SCAMP1: variants seen among roughly 807,000 people sequenced by gnomAD.
The protein encoded by SCAMP1 is secretory carrier-associated membrane protein 1.
A neutral mutation model predicts 41.8 loss-of-function variants in SCAMP1; 15 were observed. The observed-to-expected ratio is 0.36, with a 90% CI of 0.24 to 0.55. The LOEUF is 0.55. Ranked by LOEUF, SCAMP1 falls within the 20% of genes least tolerant of loss-of-function variation. SCAMP1 has a pLI of 0.86. For missense variants in SCAMP1, 341 were observed against 412.6 expected, an observed-to-expected ratio of 0.83 and a Z score of 1.50; for synonymous variants, 135 against 136.8, an observed-to-expected ratio of 0.99 and a Z score of 0.09.
chr5:78,443,023 G>C lies in SCAMP1; in HGVS notation c.633-6910G>C, dbSNP rs62364272. ...AGTTCGAGACCATCTTGGCTAACAC[G>C]GTGAATCCCTGTCTTTACTAAAAAT... On this transcript the variant is annotated intron_variant, in intron 6 of 8. Transcript: ENST00000621999. 2.0e-5 allele frequency among the ~76,000 whole-genome samples: 3 copies of C among 152,032 alleles called. No individual in the cohort carries two copies. The East Asian group carries it at 5.8e-4, about 29-fold the overall frequency.
rs193128605 is a variant in SCAMP1, at chr5:78,382,079, A to G, written c.58-6758A>G. ...GAGCAAAAGTCTCCAGACCAGCAGA[A>G]GCAGTATCACCTGAGAACCTTTTAG... On this transcript the variant is annotated intron_variant, in intron 1 of 8. Coordinates refer to ENST00000621999, the MANE Select transcript of SCAMP1 (RefSeq NM_004866.6). 1.9e-3 allele frequency among the ~76,000 whole-genome samples: 291 copies of G among 152,290 alleles called. 1 individual carries two copies. Among genetic ancestry groups the G allele is most frequent in the Non-Finnish European group, 1.5e-3 (99 of 68,022 alleles).
At chr5:78,423,253 CT>C (rs1347500327) in intron 6 of SCAMP1, among the ~76,000 whole-genome samples, 2 of 152,032 alleles carry the variant, frequency 1.3e-5, no homozygotes, top group Admixed American at 1.3e-4. Context: ...AGAAAAGAAC[CT>C]TTGGATACAT....
chr5:78,391,579 G>GA (rs1436130704), intron 2 of SCAMP1, among the ~76,000 whole-genome samples: 1 of 151,948 alleles, frequency 6.6e-6, no homozygotes, highest in Non-Finnish European at 1.5e-5. Context: ...GCCAGGCAGA[G>GA]ACGCTCCTCA....
Position 78,459,288 on chromosome 5 carries a change from G to T in SCAMP1, c.778G>T (p.Val260Phe). ...TACTGGTCTCAACCAAAATATTCCTGTTGGAATCATGATGATAATCATAGC... is the reference window on the plus strand; with the variant it reads ...TACTGGTCTCAACCAAAATATTCCTTTTGGAATCATGATGATAATCATAGC... Reference protein sequence around the residue: ...SLTGLNQNIPVGIMMIIIAAL... With the variant: ...SLTGLNQNIPFGIMMIIIAAL... Residue 260 changes from valine to phenylalanine, a missense_variant, in exon 8 of 9, where the codon GTT (valine) becomes TTT (phenylalanine). Transcript: ENST00000621999. 1 of 1,606,982 alleles carries T rather than the reference G, an allele frequency of 6.2e-7. No individual in the cohort carries two copies. The highest frequency in any genetic ancestry group is 8.5e-7 in the Non-Finnish European group (1 of 1,174,264).
At chr5:78,372,053 C>T (rs923401160) in intron 1 of SCAMP1, among the ~76,000 whole-genome samples, 6 of 152,194 alleles carry the variant, frequency 3.9e-5, no homozygotes, top group African/African-American at 1.4e-4. Context: ...TTCTCAAACA[C>T]AGTGAAAACA....
intron 8 of SCAMP1, among the ~76,000 whole-genome samples, chr5:78,463,833 T>TA (rs1380579270): frequency 6.6e-6 from 1 of 151,116 alleles, no homozygotes; most frequent in Non-Finnish European, 1.5e-5. Context: ...CTTTAAAGGG[T>TA]AAAATGCATA....
chr5:78,397,807 G>A (rs1378263840), intron 2 of SCAMP1, among the ~76,000 whole-genome samples: 1 of 152,170 alleles, frequency 6.6e-6, no homozygotes, highest in Non-Finnish European at 1.5e-5. Flanking sequence ...GGACTCAGAT[G>A]TTTCTCCTTA....
intron 1 of SCAMP1, among the ~76,000 whole-genome samples, chr5:78,379,282 C>T (rs964888671): frequency 6.6e-6 from 1 of 152,150 alleles, no homozygotes; most frequent in Non-Finnish European, 1.5e-5. Context: ...AAAGTAAATG[C>T]TGAATACTTA....
chr5:78,449,876 C>T, intron 6 of SCAMP1, 57 bp from the exon 7 acceptor site: 43 of 812,672 alleles, frequency 5.3e-5, no homozygotes, highest in South Asian at 2.9e-4. Context: ...GACGTTTTTC[C>T]CCTTCTTTCT....
At chr5:78,426,786 T>A (rs2112157657) in intron 6 of SCAMP1, among the ~76,000 whole-genome samples, 1 of 152,332 alleles carries the variant, frequency 6.6e-6, no homozygotes, top group Non-Finnish European at 1.5e-5. Flanking sequence ...ATTTCTCTTT[T>A]CTGAGCATTT....
Position 78,421,819 on chromosome 5 carries a change from T to C in SCAMP1, c.491T>C (p.Phe164Ser). ...YLWMFHAVTL[F>S]LNIFGCLAWF... ...TCCACAGTCCATGCAGTAACACTGT[T>C]TCTAAATATCTTCGGATGCTTGGCT... Residue 164 changes from phenylalanine to serine, a missense_variant, in exon 6 of 9, where the codon TTT becomes TCT. Physicochemically the swap from Phe to Ser is radical, Grantham distance 155. Transcript: ENST00000621999. The C allele has an allele frequency of 6.2e-7, 1 of 1,613,874 alleles. No individual in the cohort carries two copies. Among genetic ancestry groups the C allele is most frequent in the Non-Finnish European group, 8.5e-7 (1 of 1,179,796 alleles).
chr5:78,374,107 C>T (rs1279638433), intron 1 of SCAMP1, among the ~76,000 whole-genome samples: 1 of 151,982 alleles, frequency 6.6e-6, no homozygotes, highest in Non-Finnish European at 1.5e-5. Context: ...ACTTGGGATA[C>T]AAGATAAAGA....
intron 6 of SCAMP1, among the ~76,000 whole-genome samples, chr5:78,437,425 G>A (rs568112313): frequency 5.3e-5 from 8 of 152,318 alleles, no homozygotes; most frequent in East Asian, 1.9e-4. Flanking sequence ...AGCGTGAAGC[G>A]CTGTTGAATT....
rs890216776 is a variant in SCAMP1 at position 78,454,147 on chromosome 5, C to T, written c.734+4113C>T. On this transcript the variant is annotated intron_variant, in intron 7 of 8. Coordinates refer to ENST00000621999, the MANE Select transcript of SCAMP1 (RefSeq NM_004866.6). Reference sequence around the variant, plus strand: ...CTGCAAACAGGGACAATTTGACTTCCTCTTTTCCTAATTGAATGCCCTTTA... The same window carrying T: ...CTGCAAACAGGGACAATTTGACTTCTTCTTTTCCTAATTGAATGCCCTTTA... 2.6e-5 allele frequency among the ~76,000 whole-genome samples: 4 copies of T among 152,054 alleles called. 1 individual carries two copies. The highest frequency in any genetic ancestry group is 2.6e-4 in the Admixed American group (4 of 15,274).
intron 6 of SCAMP1, among the ~76,000 whole-genome samples, chr5:78,435,453 C>T (rs553635053): frequency 1.4e-3 from 219 of 152,322 alleles, no homozygotes; most frequent in Admixed American, 5.1e-3. Flanking sequence ...TCAGTTCCCA[C>T]CTATGAGTGA....
intron 8 of SCAMP1, among the ~76,000 whole-genome samples, chr5:78,461,827 G>A (rs1291420429): frequency 6.6e-6 from 1 of 152,176 alleles, no homozygotes; most frequent in Non-Finnish European, 1.5e-5. Context: ...GCCTCCCAAA[G>A]TGCTGGGATT....
intron 6 of SCAMP1, among the ~76,000 whole-genome samples, chr5:78,445,634 A>G (rs1388560955): frequency 1.3e-5 from 2 of 151,218 alleles, no homozygotes; most frequent in Non-Finnish European, 2.9e-5. Context: ...TCCCCTGATG[A>G]TGTATTTTTT....
At chr5:78,408,995 A>C (rs1752001540) in intron 2 of SCAMP1, among the ~76,000 whole-genome samples, 1 of 152,092 alleles carries the variant, frequency 6.6e-6, no homozygotes, top group Non-Finnish European at 1.5e-5. Context: ...AGGTATTCCC[A>C]TCATTTATTT....
intron 2 of SCAMP1, among the ~76,000 whole-genome samples, chr5:78,403,308 TGC>T (rs1348094074): frequency 6.6e-6 from 1 of 152,152 alleles, no homozygotes; most frequent in Non-Finnish European, 1.5e-5. Flanking sequence ...GTAGTGTGAG[TGC>T]CTTATAATAA....
Sources: gnomAD v4.1 joint callset for allele counts (sites outside exome capture counted in the v4.1 genomes callset) on GRCh38, gnomAD v4.1.1 for gene constraint, MANE v1.5 for transcripts, NCBI Gene and HGNC (gene_info 2026-07-23, HGNC 2026-07-21) for gene names.